ZMAT4: variants seen among roughly 807,000 people sequenced by gnomAD.
ZMAT4 encodes zinc finger matrin-type protein 4.
A neutral mutation model predicts 28.7 loss-of-function variants in ZMAT4; 17 were observed. The observed-to-expected ratio is 0.59, with a 90% CI of 0.41 to 0.89. The LOEUF is 0.89. Ranked by LOEUF, ZMAT4 falls within the 40% of genes least tolerant of loss-of-function variation. ZMAT4 has a pLI of 0.00. For synonymous variants in ZMAT4, 117 were observed against 109.2 expected (o/e 1.07, Z -0.44); for missense variants, 240 against 283.8 (o/e 0.85, Z 1.11).
intron 2 of ZMAT4, among the ~76,000 whole-genome samples, chr8:40,802,845 G>A (rs998286087): frequency 2.0e-5 from 3 of 152,172 alleles, no homozygotes; most frequent in Admixed American, 1.3e-4. Context: ...CAGTAATAAA[G>A]ACAGTTTGGT....
intron 2 of ZMAT4, among the ~76,000 whole-genome samples, chr8:40,793,996 C>T (rs535148817): frequency 6.6e-6 from 1 of 152,342 alleles, no homozygotes; most frequent in South Asian, 2.1e-4. Context: ...TATTCTCATT[C>T]AGTTAAGCAG....
At position 40,795,003 on chromosome 8, in the gene ZMAT4, C is replaced by T. The variant is rs980938655; in HGVS notation, c.103-27273G>A. Among the ~76,000 whole-genome samples the T allele has an allele frequency of 3.3e-5, 5 of 152,108 alleles. No individual in the cohort carries two copies. In the South Asian group the frequency reaches 6.2e-4, roughly 19 times the overall value. ...GGTGACAGATGCAGAAACACTCTGTCTTAGCTTAGGAACCTAAGACAAAGC... is the reference window on the plus strand; with the variant it reads ...GGTGACAGATGCAGAAACACTCTGTTTTAGCTTAGGAACCTAAGACAAAGC... On this transcript the variant is annotated intron_variant, in intron 2 of 6. Transcript: ENST00000297737.
At chr8:40,798,373 G>C (rs949463388) in intron 2 of ZMAT4, among the ~76,000 whole-genome samples, 2 of 152,180 alleles carry the variant, frequency 1.3e-5, no homozygotes, top group African/African-American at 4.8e-5. Flanking sequence ...AGGTCCCAAT[G>C]CCAGGCTCTT....
chr8:40,709,239 A>AT (rs111466944), intron 3 of ZMAT4, among the ~76,000 whole-genome samples: 9 of 138,302 alleles, frequency 6.5e-5, no homozygotes, highest in Admixed American at 1.4e-4. Flanking sequence ...TTATTGTTGT[A>AT]TTTTTTTTAT....
At chr8:40,645,824 G>C (rs1807279610) in intron 5 of ZMAT4, among the ~76,000 whole-genome samples, 2 of 151,910 alleles carry the variant, frequency 1.3e-5, no homozygotes, top group South Asian at 4.2e-4. Flanking sequence ...CATCCATAAA[G>C]TATAGTATTC....
At chr8:40,821,104 T>C (rs897413240) in intron 2 of ZMAT4, among the ~76,000 whole-genome samples, 1 of 151,936 alleles carries the variant, frequency 6.6e-6, no homozygotes, top group African/African-American at 2.4e-5. Context: ...GGGGGGAGTG[T>C]GTATGTGTGT....
At chr8:40,786,544 A>T (rs1814095171) in intron 2 of ZMAT4, 1 of 430,056 alleles carries the variant, frequency 2.3e-6, no homozygotes, top group African/African-American at 2.1e-5. Flanking sequence ...TGGAATGTGA[A>T]GTATTTTGGT....
chr8:40,706,345 C>T lies in ZMAT4; in HGVS notation c.193-8944G>A, dbSNP rs191455563. Among the ~76,000 whole-genome samples, 84 of 152,254 alleles carry T rather than the reference C, an allele frequency of 5.5e-4. 1 individual carries two copies. Among genetic ancestry groups the T allele is most frequent in the Middle Eastern group, 3.4e-3 (1 of 294 alleles). On this transcript the variant is annotated intron_variant, in intron 3 of 6. Transcript: ENST00000297737. ...CTGGGATTACAGGCGTGAGCCACTG[C>T]GCCCAGCCAGAACTAATTATTAAAT...
intron 3 of ZMAT4, among the ~76,000 whole-genome samples, chr8:40,762,504 A>T (rs1030411129): frequency 1.6e-4 from 24 of 151,770 alleles, no homozygotes; most frequent in Non-Finnish European, 2.6e-4. Context: ...TTTTTTTTTT[A>T]AATTAGCCAG....
At chr8:40,657,200 C>T (rs564250567) in intron 5 of ZMAT4, among the ~76,000 whole-genome samples, 81 of 152,104 alleles carry the variant, frequency 5.3e-4, no homozygotes, top group African/African-American at 1.8e-3. Context: ...TCATAAAAAT[C>T]GTATGTATTT....
Position 40,897,748 on chromosome 8 carries a change from A to C in ZMAT4, c.-70T>G, listed in dbSNP as rs985537119. 8.5e-5 allele frequency: 13 copies of C among 152,314 alleles called. No individual in the cohort carries two copies. The highest frequency in any genetic ancestry group is 2.9e-4 in the African/African-American group (12 of 41,562). The allele number at this position is 152,314 out of a possible 1,614,324, so 9.4% of individuals were successfully genotyped here. A position where few individuals can be genotyped will look rare whatever the true frequency, so the allele number is the denominator to read the frequency against. On this transcript the variant is annotated 5_prime_UTR_variant, in exon 1 of 7. Coordinates refer to ENST00000297737, the MANE Select transcript of ZMAT4 (RefSeq NM_024645.3). ...AGCTGCCCTGCCGAGCAGTAGAGCG[A>C]AGCTGTGGGCTGGAGCACGCTGAGG...
intron 1 of ZMAT4, among the ~76,000 whole-genome samples, chr8:40,830,595 G>A (rs1816245797): frequency 6.6e-6 from 1 of 152,200 alleles, no homozygotes; most frequent in Admixed American, 6.5e-5. Flanking sequence ...GGACACTTAA[G>A]TTAGCTGCAT....
chr8:40,706,209 T>G (rs998476581), intron 3 of ZMAT4, among the ~76,000 whole-genome samples: 1 of 152,124 alleles, frequency 6.6e-6, no homozygotes, highest in Non-Finnish European at 1.5e-5. Context: ...TGTACCACCA[T>G]GTCCAACTAA....
At chr8:40,789,513 G>C (rs1028391062) in intron 2 of ZMAT4, among the ~76,000 whole-genome samples, 1 of 152,152 alleles carries the variant, frequency 6.6e-6, no homozygotes, top group Non-Finnish European at 1.5e-5. Flanking sequence ...AGGGTGACTA[G>C]AGTCAATAAT....
At chr8:40,808,937 T>C (rs1046461454) in intron 2 of ZMAT4, among the ~76,000 whole-genome samples, 9 of 152,092 alleles carry the variant, frequency 5.9e-5, no homozygotes, top group Admixed American at 2.0e-4. Context: ...GGTAGAATGA[T>C]TTACTTTCCT....
rs147477090 is a variant in ZMAT4 at position 40,726,677 on chromosome 8, T to C, written c.193-29276A>G. On this transcript the variant is annotated intron_variant, in intron 3 of 6. Transcript: ENST00000297737. ...CACAAACCTAGCCCACTGCCTGCTT[T>C]TTGTGAAAATAGTTTTATTGGCACA... Among the ~76,000 whole-genome samples the C allele has an allele frequency of 5.3e-5, 8 of 152,324 alleles. No individual in the cohort carries two copies. The East Asian group carries it at 1.5e-3, about 29-fold the overall frequency.
At chr8:40,658,438 T>C (rs1298402565) in intron 5 of ZMAT4, among the ~76,000 whole-genome samples, 2 of 152,080 alleles carry the variant, frequency 1.3e-5, no homozygotes, top group African/African-American at 2.4e-5. Flanking sequence ...TCTGTTCCCC[T>C]GTGATGTGTG....
chr8:40,568,817 C>G (rs1481947990), intron 6 of ZMAT4, among the ~76,000 whole-genome samples: 2 of 152,130 alleles, frequency 1.3e-5, no homozygotes, highest in African/African-American at 2.4e-5. Context: ...TTACTGCACC[C>G]AGTCCACAAT....
Position 40,804,164 on chromosome 8 carries a change from T to A in ZMAT4, c.102+21411A>T, listed in dbSNP as rs147095019. On this transcript the variant is annotated intron_variant, in intron 2 of 6. Transcript: ENST00000297737. ...ATGATACTATAATCCTAGACACAAA[T>A]CATTATACATTTGTCCAAACCCATA... Among the ~76,000 whole-genome samples the A allele has an allele frequency of 4.1e-4, 62 of 152,240 alleles. 1 individual carries two copies. The East Asian group carries it at 8.3e-3, about 20-fold the overall frequency.
Sources: allele counts gnomAD v4.1 joint callset (sites outside exome capture counted in the v4.1 genomes callset), GRCh38; gene constraint gnomAD v4.1.1; transcripts MANE v1.5; gene names NCBI Gene and HGNC (gene_info 2026-07-23, HGNC 2026-07-21).